The following HPSE2 variants were observed in gnomAD, a reference collection of about 807,000 sequenced individuals.
HPSE2 encodes the protein heparanase 2 (inactive), also known as inactive heparanase-2.
HPSE2 carries 38 observed loss-of-function variants against 60.5 expected under a neutral mutation model. The observed-to-expected ratio is 0.63, with a 90% CI of 0.48 to 0.82. HPSE2 has a LOEUF of 0.82. Among genes scored for constraint, HPSE2 ranks in the 40% least tolerant of loss-of-function variants. The pLI is 0.00. For missense variants in HPSE2, 713 were observed against 740.4 expected (o/e 0.96, Z 0.43); for synonymous variants, 295 against 293.2 (o/e 1.01, Z -0.06).
the HPSE2 span, among the ~76,000 whole-genome samples, chr10:99,279,567 C>A: frequency 2.0e-5 from 3 of 152,224 alleles, no homozygotes; most frequent in Non-Finnish European, 4.4e-5. Flanking sequence ...GTGAAACTAA[C>A]TTTTGAGTGG....
chr10:98,810,291 G>T (rs933856208), intron 3 of HPSE2, among the ~76,000 whole-genome samples: 1 of 151,834 alleles, frequency 6.6e-6, no homozygotes, highest in African/African-American at 2.4e-5. Context: ...GTTTTATGGG[G>T]CTTGAAACTA....
intron 2 of HPSE2, among the ~76,000 whole-genome samples, chr10:99,161,210 G>C (rs1846828212): frequency 6.8e-6 from 1 of 147,868 alleles, no homozygotes; most frequent in Non-Finnish European, 1.5e-5. Context: ...AACAGAGTGA[G>C]ACTCTGTTAA....
At chr10:99,075,576 C>A (rs1842927937) in intron 3 of HPSE2, among the ~76,000 whole-genome samples, 2 of 151,962 alleles carry the variant, frequency 1.3e-5, no homozygotes, top group South Asian at 2.1e-4. Context: ...CAGCTGTTTC[C>A]TTATTGATTT....
the HPSE2 span, among the ~76,000 whole-genome samples, chr10:99,256,540 G>T: frequency 6.6e-6 from 1 of 150,472 alleles, no homozygotes; most frequent in African/African-American, 2.4e-5. Flanking sequence ...ATGACACTAA[G>T]ACCTGCAATA....
the HPSE2 span, among the ~76,000 whole-genome samples, chr10:99,254,935 T>C: frequency 1.3e-5 from 2 of 152,186 alleles, no homozygotes; most frequent in Non-Finnish European, 2.9e-5. Flanking sequence ...GAATGACTGA[T>C]AACAGGTAAA....
At chr10:98,540,668 A>C (rs1387938163) in intron 9 of HPSE2, among the ~76,000 whole-genome samples, 3 of 152,244 alleles carry the variant, frequency 2.0e-5, no homozygotes, top group African/African-American at 7.2e-5. Flanking sequence ...AAATAACTGA[A>C]ATAGATAATG....
At chr10:98,734,189 C>A (rs1236167212) in intron 4 of HPSE2, among the ~76,000 whole-genome samples, 1 of 152,200 alleles carries the variant, frequency 6.6e-6, no homozygotes, top group African/African-American at 2.4e-5. Flanking sequence ...ATCAGTACTT[C>A]ATTTTGCAGC....
chr10:98,693,942 A>C lies in HPSE2; in HGVS notation c.962T>G (p.Met321Arg). The C allele has an allele frequency of 6.2e-7, 1 of 1,612,066 alleles. No homozygotes were observed. The highest frequency in any genetic ancestry group is 8.5e-7 in the Non-Finnish European group (1 of 1,178,148). ...KNVIALLDGFMKVAGSTVDAV... is the reference protein window; with the variant it reads ...KNVIALLDGFRKVAGSTVDAV... ...ATCTACTGTACTTCCTGCCACCTTC[A>C]TGAATCTGTAAGGAATAGAAAGAAA... The change falls in exon 6 of 12, where the codon ATG becomes AGG. Residue 321 changes from methionine to arginine, a missense_variant. Transcript: ENST00000370552.
chr10:98,853,561 GA>G lies in HPSE2; in HGVS notation c.611-109506del, dbSNP rs1213682047. On this transcript the variant is annotated intron_variant, in intron 3 of 11. Transcript: ENST00000370552. ...GTCCCTTTTCCGCACATATCATTAG[GA>G]AAAATGTTTTGCCATAGTGAGGTGG... 5.3e-5 allele frequency among the ~76,000 whole-genome samples: 8 copies of G among 151,846 alleles called. No individual in the cohort carries two copies. The South Asian group carries it at 6.2e-4, about 12-fold the overall frequency.
chr10:99,048,789 C>G (rs145029477), intron 3 of HPSE2, among the ~76,000 whole-genome samples: 23 of 152,220 alleles, frequency 1.5e-4, no homozygotes, highest in African/African-American at 5.3e-4. Context: ...CTATGTTCAT[C>G]ACTGTGCTAT....
At chr10:99,298,714 C>T in the HPSE2 span, among the ~76,000 whole-genome samples, 1 of 147,612 alleles carries the variant, frequency 6.8e-6, no homozygotes, top group East Asian at 2.0e-4. Flanking sequence ...CTCGCTCTGT[C>T]GCCAGGCTGG....
intron 3 of HPSE2, among the ~76,000 whole-genome samples, chr10:98,827,632 G>T (rs1951583163): frequency 6.6e-6 from 1 of 152,224 alleles, no homozygotes; most frequent in Non-Finnish European, 1.5e-5. Context: ...AGGGGAAACA[G>T]TAATGGTAGT....
chr10:99,138,072 T>C (rs963676009), intron 3 of HPSE2, among the ~76,000 whole-genome samples: 1 of 152,106 alleles, frequency 6.6e-6, no homozygotes, highest in Non-Finnish European at 1.5e-5. Flanking sequence ...CATCAAAAAG[T>C]AGGCAAAGAA....
chr10:98,660,770 C>CATAT (rs1404431779), intron 6 of HPSE2, among the ~76,000 whole-genome samples: 1 of 152,240 alleles, frequency 6.6e-6, no homozygotes, highest in Admixed American at 6.5e-5. Context: ...ACAATGCTAC[C>CATAT]ATATGGTCAT....
At position 99,235,756 on chromosome 10, in the gene HPSE2, G is replaced by A; in HGVS notation, c.47C>T (p.Ser16Phe). 1 of 1,613,926 alleles carries A rather than the reference G, an allele frequency of 6.2e-7. No homozygotes were observed. Among genetic ancestry groups the A allele is most frequent in the Non-Finnish European group, 8.5e-7 (1 of 1,179,980 alleles). ...CGGGGCTAGGCACGCGGGGGGGCGG[G>A]AGTTGCTGGAGGGCATGGCTTCAGG... Reference protein sequence around the residue: ...AFPEAMPSSNSRPPACLAPGA... With the variant: ...AFPEAMPSSNFRPPACLAPGA... Residue 16 changes from serine to phenylalanine, a missense_variant, in exon 1 of 12, where the codon TCC (serine) becomes TTC (phenylalanine). Ser to Phe is a radical substitution (Grantham distance 155, BLOSUM62 -2). Transcript: ENST00000370552.
chr10:98,925,590 T>C (rs1444622458), intron 3 of HPSE2, among the ~76,000 whole-genome samples: 4 of 152,216 alleles, frequency 2.6e-5, no homozygotes, highest in Non-Finnish European at 5.9e-5. Flanking sequence ...GGGGATGAAG[T>C]GCAGGCTCTC....
chr10:99,025,727 A>G (rs1957363628), intron 3 of HPSE2, among the ~76,000 whole-genome samples: 1 of 152,094 alleles, frequency 6.6e-6, no homozygotes, highest in Admixed American at 6.6e-5. Context: ...GAGGGAGAGG[A>G]GAGAGGAGCA....
intron 9 of HPSE2, among the ~76,000 whole-genome samples, chr10:98,592,734 T>C (rs912881481): frequency 9.9e-5 from 15 of 152,204 alleles, no homozygotes; most frequent in African/African-American, 3.1e-4. Context: ...AGACATTACA[T>C]TTGGCAAGCT....
intron 3 of HPSE2, among the ~76,000 whole-genome samples, chr10:98,908,799 G>C (rs751842904): frequency 2.0e-5 from 3 of 151,596 alleles, no homozygotes; most frequent in Non-Finnish European, 4.4e-5. Flanking sequence ...ATACTAACAA[G>C]GGTTATTTCT....
Sources: allele counts gnomAD v4.1 joint callset (sites outside exome capture counted in the v4.1 genomes callset), GRCh38; gene constraint gnomAD v4.1.1; transcripts MANE v1.5; gene names NCBI Gene and HGNC (gene_info 2026-07-23, HGNC 2026-07-21).